ARHGEF6: variants seen among roughly 807,000 people sequenced by gnomAD.
ARHGEF6 encodes rho guanine nucleotide exchange factor 6.
In ARHGEF6, 9 loss-of-function variants were observed where a neutral mutation model predicts 70.3. The observed-to-expected ratio is 0.13, with a 90% CI of 0.08 to 0.22. The LOEUF (loss-of-function observed/expected upper bound fraction) is 0.22. ARHGEF6 is among the 10% of genes least tolerant of loss of function. The pLI, the probability that ARHGEF6 is intolerant of heterozygous loss-of-function variation, is 1.00. For synonymous variants in ARHGEF6, 201 were observed against 207.8 expected, an observed-to-expected ratio of 0.97 and a Z score of 0.28; for missense variants, 470 against 563.0, an observed-to-expected ratio of 0.83 and a Z score of 1.67.
rs756171721 is a variant in ARHGEF6 at position 136,665,800 on chromosome X, A to C, written c.*2229T>G. ...CTTCATTTCCTTTATATTATAGTTT[A>C]GTGTGTAAGCATGGTTACCACTCTG... On this transcript the variant is annotated 3_prime_UTR_variant, in exon 22 of 22. Coordinates refer to ENST00000250617, the MANE Select transcript of ARHGEF6 (RefSeq NM_004840.3). 4 of 111,893 alleles carry C rather than the reference A, an allele frequency of 3.6e-5. No homozygotes were observed. The East Asian group carries it at 1.1e-3, about 31-fold the overall frequency. The allele number at this position is 111,893 out of a possible 1,213,427, so 9.2% of individuals were successfully genotyped here.
chrX:136,690,646 A>G lies in ARHGEF6; in HGVS notation c.1149T>C (p.Tyr383=), dbSNP rs143394567. The change falls in exon 10 of 22, where the codon TAT becomes TAC. Residue 383 remains tyrosine (Y), a synonymous_variant. Transcript: ENST00000250617. ...GTTCTAACTCTTGCAAGAGAGTAAC[A>G]TATTTCTCCAGTCGCATGAATGGTT... ...LSKPFMRLEK[Y]VTLLQELERH... 1.9e-4 allele frequency: 224 copies of G among 1,208,801 alleles called. 1 individual carries two copies. Among genetic ancestry groups the G allele is most frequent in the Non-Finnish European group, 2.2e-4 (199 of 894,861 alleles).
At chrX:136,756,008 A>G (rs2077202171) in intron 2 of ARHGEF6, among the ~76,000 whole-genome samples, 1 of 111,527 alleles carries the variant, frequency 9.0e-6, no homozygotes, top group Non-Finnish European at 1.9e-5. Context: ...CTGGATCCTC[A>G]GTGTCTAGAA....
chrX:136,732,017 G>C, intron 6 of ARHGEF6, 85 bp downstream of exon 6: 1 of 741,790 alleles, frequency 1.3e-6, no homozygotes, highest in Non-Finnish European at 2.0e-6. Context: ...TTTCCTTTGT[G>C]TCACCTCAAC....
chrX:136,762,044 A>C (rs771185564), intron 2 of ARHGEF6, among the ~76,000 whole-genome samples: 186 of 111,187 alleles, frequency 1.7e-3, no homozygotes, highest in African/African-American at 5.9e-3. Flanking sequence ...CCTCCTGAGT[A>C]GCTGGGATTA....
intron 5 of ARHGEF6, among the ~76,000 whole-genome samples, chrX:136,741,535 T>TG (rs199589255): frequency 0.011 from 1,176 of 108,564 alleles, 17 homozygotes; most frequent in African/African-American, 0.037. Context: ...CTTTTTTTTT[T>TG]TTTGTGTGTG....
chrX:136,731,906 G>C (rs1277809276), intron 6 of ARHGEF6, among the ~76,000 whole-genome samples, 196 bp downstream of exon 6: 1 of 112,278 alleles, frequency 8.9e-6, no homozygotes, highest in Non-Finnish European at 1.9e-5. Context: ...TTTCAGCACA[G>C]TAGATGTAAG....
chrX:136,686,118 C>G (rs928777168), intron 11 of ARHGEF6, among the ~76,000 whole-genome samples: 5 of 112,363 alleles, frequency 4.4e-5, no homozygotes, highest in African/African-American at 1.6e-4. Flanking sequence ...TATGGGAAAG[C>G]AAGCAGCCAA....
At chrX:136,748,414 A>C (rs1652128879) in intron 2 of ARHGEF6, among the ~76,000 whole-genome samples, 1 of 112,660 alleles carries the variant, frequency 8.9e-6, no homozygotes, top group Non-Finnish European at 1.9e-5. Flanking sequence ...TGAAGATACC[A>C]ATCAGATGTT....
intron 6 of ARHGEF6, among the ~76,000 whole-genome samples, chrX:136,716,345 C>T (rs1240502946): frequency 8.9e-6 from 1 of 112,157 alleles, no homozygotes; most frequent in Admixed American, 9.4e-5. Context: ...AGGAAGATAA[C>T]CCAACTCCAG....
chrX:136,759,242 C>G (rs1007289924), intron 2 of ARHGEF6, among the ~76,000 whole-genome samples: 2 of 112,512 alleles, frequency 1.8e-5, no homozygotes, highest in Non-Finnish European at 3.7e-5. Flanking sequence ...GTACATACCT[C>G]TCTTTTGCTG....
At chrX:136,682,876 C>G (rs771437716) in intron 12 of ARHGEF6, 32 bp from the exon 13 acceptor site, 18 of 1,066,855 alleles carry the variant, frequency 1.7e-5, no homozygotes, top group Non-Finnish European at 2.6e-6. Context: ...ACATGAAGAA[C>G]AGAATTGGAC....
intron 9 of ARHGEF6, among the ~76,000 whole-genome samples, chrX:136,693,293 T>A (rs996720912): frequency 1.3e-4 from 15 of 112,057 alleles, no homozygotes; most frequent in Admixed American, 5.7e-4. Flanking sequence ...CTATCTTGGA[T>A]TAAAACACTG....
At chrX:136,745,101 G>C (rs1478283904) in intron 4 of ARHGEF6, 122 bp downstream of exon 4, 1 of 956,945 alleles carries the variant, frequency 1.0e-6, no homozygotes, top group Non-Finnish European at 1.5e-6. Context: ...TTTATAATTA[G>C]TTTTCTCAGT....
intron 2 of ARHGEF6, among the ~76,000 whole-genome samples, chrX:136,768,839 T>C (rs1341435494): frequency 1.8e-5 from 2 of 110,175 alleles, no homozygotes; most frequent in East Asian, 2.8e-4. Context: ...AGCCTCACTT[T>C]GGGGAGGGCA....
intron 9 of ARHGEF6, among the ~76,000 whole-genome samples, chrX:136,691,692 C>T (rs1231114830): frequency 6.3e-5 from 7 of 111,921 alleles, no homozygotes; most frequent in Admixed American, 5.7e-4. Flanking sequence ...CCTGCTGCCA[C>T]TGCCTTAGTT....
intron 6 of ARHGEF6, among the ~76,000 whole-genome samples, chrX:136,713,840 G>A (rs1452646546): frequency 1.8e-5 from 2 of 112,148 alleles, no homozygotes; most frequent in African/African-American, 6.5e-5. Flanking sequence ...GAAGTTCTCA[G>A]TTAGTTAACA....
rs1410615431 is a variant in ARHGEF6, at chrX:136,767,799, T to C, written c.249+11615A>G. ...GGGTAAGCAGTGACCCGGACCTGGATCGCAGAAGTAGGAACTGGAAGTGAC... is the reference window on the plus strand; with the variant it reads ...GGGTAAGCAGTGACCCGGACCTGGACCGCAGAAGTAGGAACTGGAAGTGAC... On this transcript the variant is annotated intron_variant, in intron 2 of 21. Transcript: ENST00000250617. 5.3e-6 allele frequency: 4 copies of C among 752,816 alleles called. No individual in the cohort carries two copies. The African/African-American group carries it at 9.2e-5, about 17-fold the overall frequency. 62.0% of individuals were successfully genotyped at this position (752,816 alleles called of 1,213,427 possible).
intron 9 of ARHGEF6, among the ~76,000 whole-genome samples, chrX:136,697,126 A>G (rs1377849446): frequency 1.8e-5 from 2 of 111,401 alleles, no homozygotes; most frequent in East Asian, 5.6e-4. Flanking sequence ...CTCCCAGAGT[A>G]GTGAGATTTT....
chrX:136,771,551 G>A (rs1209389352), intron 2 of ARHGEF6, among the ~76,000 whole-genome samples: 2 of 112,041 alleles, frequency 1.8e-5, no homozygotes, highest in Non-Finnish European at 3.8e-5. Flanking sequence ...ATTTGGACCC[G>A]TACCTCCTAC....
Sources: gnomAD v4.1 joint callset for allele counts (sites outside exome capture counted in the v4.1 genomes callset) on GRCh38, gnomAD v4.1.1 for gene constraint, MANE v1.5 for transcripts, NCBI Gene and HGNC (gene_info 2026-07-23, HGNC 2026-07-21) for gene names.